MRE11: variants seen among roughly 807,000 people sequenced by gnomAD.
MRE11 encodes the protein double-strand break repair protein MRE11.
A neutral mutation model predicts 91.7 loss-of-function variants in MRE11; 62 were observed. The observed-to-expected ratio is 0.68, with a 90% CI of 0.55 to 0.84. MRE11 has a LOEUF of 0.84. Ranked by LOEUF, MRE11 falls within the 40% of genes least tolerant of loss-of-function variation. MRE11 has a pLI of 0.00. For synonymous variants in MRE11, 273 were observed against 271.4 expected, an observed-to-expected ratio of 1.01 and a Z score of -0.06; for missense variants, 796 against 852.9, an observed-to-expected ratio of 0.93 and a Z score of 0.83.
chr11:94,454,275 T>TGG (rs149242772), intron 14 of MRE11, among the ~76,000 whole-genome samples: 3,460 of 152,108 alleles, frequency 0.023, 135 homozygotes, highest in African/African-American at 0.08. Context: ...GGTTTTGCCA[T>TGG]GTTGCCCAGG....
At chr11:94,447,184 G>A (rs770222594) in intron 15 of MRE11, 35 bp downstream of exon 15, 3 of 1,588,018 alleles carry the variant, frequency 1.9e-6, no homozygotes, top group East Asian at 2.2e-5. Flanking sequence ...CAACTGCCAA[G>A]TGTGAATGTG....
chr11:94,460,185 C>G (rs527488255), intron 12 of MRE11, among the ~76,000 whole-genome samples: 1 of 152,306 alleles, frequency 6.6e-6, no homozygotes, highest in East Asian at 1.9e-4. Flanking sequence ...CCCTTAGAGC[C>G]TCCAAAAAGG....
rs554798856 is a variant in MRE11, at chr11:94,445,375, T to A, written c.1867+435A>T. On this transcript the variant is annotated intron_variant, in intron 16 of 19. Transcript: ENST00000323929. Reference sequence around the variant, plus strand: ...GCTAGGGTAGAGTCCAATGGCATGATCTTGGCTCACTGCAACCTCCAGTTC... The same window carrying A: ...GCTAGGGTAGAGTCCAATGGCATGAACTTGGCTCACTGCAACCTCCAGTTC... Among the ~76,000 whole-genome samples, 4 of 152,354 alleles carry A rather than the reference T, an allele frequency of 2.6e-5. No individual in the cohort carries two copies. In the South Asian group the frequency reaches 8.3e-4, roughly 32 times the overall value.
chr11:94,431,606 A>G (rs538015112), intron 18 of MRE11, among the ~76,000 whole-genome samples: 1 of 152,358 alleles, frequency 6.6e-6, no homozygotes, highest in Admixed American at 6.5e-5. Flanking sequence ...GTTTGGGGTC[A>G]GAATGCCTGG....
At chr11:94,459,368 A>G in intron 13 of MRE11, 40 bp downstream of exon 13, 1 of 1,605,888 alleles carries the variant, frequency 6.2e-7, no homozygotes, top group Admixed American at 1.7e-5. Context: ...TTAAAGACAG[A>G]CTATTTAAAT....
chr11:94,431,066 A>T (rs544432078), intron 18 of MRE11, among the ~76,000 whole-genome samples: 1 of 152,342 alleles, frequency 6.6e-6, no homozygotes, highest in South Asian at 2.1e-4. Context: ...CTTCAATAAA[A>T]GTAGTGTTTA....
the MRE11 span, among the ~76,000 whole-genome samples, chr11:94,507,176 A>T: frequency 6.6e-6 from 1 of 152,112 alleles, no homozygotes; most frequent in African/African-American, 2.4e-5. Context: ...ACTATAATCT[A>T]ACTTTTATTT....
rs1014666 is a variant in MRE11, at chr11:94,445,959, T to C, written c.1784-66A>G. Reference sequence around the variant, plus strand: ...AGCTAAGGTTTATTTCATACAACACTAAAAAATGAAAGCTAAATAAACTTA... The same window carrying C: ...AGCTAAGGTTTATTTCATACAACACCAAAAAATGAAAGCTAAATAAACTTA... On this transcript the variant is annotated intron_variant, in intron 15 of 19. Transcript: ENST00000323929. 513,628 of 1,106,224 alleles carry C rather than the reference T, an allele frequency of 0.46. 123,224 individuals carry two copies. The highest frequency in any genetic ancestry group is 0.61 in the South Asian group (48,906 of 79,594). 68.5% of individuals were successfully genotyped at this position (1,106,224 alleles called of 1,614,324 possible). A position where few individuals can be genotyped will look rare whatever the true frequency, so the allele number is the denominator to read the frequency against.
upstream of MRE11, among the ~76,000 whole-genome samples, chr11:94,496,197 A>G (rs1264718236): frequency 6.6e-6 from 1 of 152,092 alleles, no homozygotes; most frequent in African/African-American, 2.4e-5. Flanking sequence ...TCGAAATAGT[A>G]TTTTTAGGAA....
At position 94,417,426 on chromosome 11, in the gene MRE11, T is replaced by A. The variant is rs13447760; in HGVS notation, c.*2699A>T. ...GGCTGAACCAAATGAAATACCTAAG[T>A]AAAGCAAATTACATGATTAGAAGGC... On this transcript the variant is annotated 3_prime_UTR_variant, in exon 20 of 20. Coordinates refer to ENST00000323929, the MANE Select transcript of MRE11 (RefSeq NM_005591.4). 1,344 of 232,688 alleles carry A rather than the reference T, an allele frequency of 5.8e-3. 19 individuals carry two copies. Among genetic ancestry groups the A allele is most frequent in the African/African-American group, 0.028 (1,256 of 45,440 alleles). The allele number at this position is 232,688 out of a possible 1,614,324, so 14.4% of individuals were successfully genotyped here.
At position 94,478,882 on chromosome 11, in the gene MRE11, C is replaced by A; in HGVS notation, c.403-6G>T. 6.2e-7 allele frequency: 1 copy of A among 1,612,800 alleles called. No individual in the cohort carries two copies. The highest frequency in any genetic ancestry group is 8.5e-7 in the Non-Finnish European group (1 of 1,179,426). On this transcript the variant is annotated splice_polypyrimidine_tract_variant and splice_region_variant and intron_variant, in intron 5 of 19. Coordinates refer to ENST00000323929, the MANE Select transcript of MRE11 (RefSeq NM_005591.4). ...AAGGCACAAAGTGCATCTGCCTATG[C>A]AAAATAATTTCAAAGAATGTTAGTG...
At chr11:94,429,384 T>A (rs529950191) in intron 19 of MRE11, among the ~76,000 whole-genome samples, 2 of 152,194 alleles carry the variant, frequency 1.3e-5, no homozygotes, top group Non-Finnish European at 2.9e-5. Context: ...CATACACTCA[T>A]GTTTACTGCA....
intron 18 of MRE11, among the ~76,000 whole-genome samples, chr11:94,431,459 T>C (rs186447005): frequency 2.2e-4 from 33 of 152,382 alleles, no homozygotes; most frequent in African/African-American, 7.7e-4. Flanking sequence ...AGCTGATTTC[T>C]GATGTGTTTC....
upstream of MRE11, chr11:94,498,594 C>A: frequency 7.2e-7 from 1 of 1,383,024 alleles, no homozygotes. Flanking sequence ...AGATGTATTC[C>A]CATAATCAAA....
At chr11:94,467,672 T>C in intron 10 of MRE11, 141 bp downstream of exon 10, 3 of 690,540 alleles carry the variant, frequency 4.3e-6, no homozygotes, top group Middle Eastern at 4.1e-4. Context: ...AATCCTTATA[T>C]CTTTGTTTTT....
chr11:94,447,222 T>C lies in MRE11; in HGVS notation c.1780A>G (p.Arg594Gly), dbSNP rs576878377. 5.2e-4 allele frequency: 842 copies of C among 1,612,442 alleles called. 12 individuals carry two copies. The South Asian group carries it at 8.6e-3, about 16-fold the overall frequency. Residue 594 changes from arginine to glycine, a missense_variant, in exon 15 of 20, where the codon AGA becomes GGA. Arg to Gly is a moderately radical substitution (Grantham distance 125). Coordinates refer to ENST00000323929, the MANE Select transcript of MRE11 (RefSeq NM_005591.4). ...SASRGGSQRG[R>G]ADTGLETSTR... The stretch of plus-strand genomic sequence containing the variant: ...CAGGACTGAACTCAGTGCTCACCTC[T>C]TCCTCTTTGAGACCCTCCTCTCGAT...
In MRE11 at chr11:94,483,039, T is replaced by C. The variant is rs556653508; in HGVS notation, c.314+2885A>G. Among the ~76,000 whole-genome samples, 3 of 152,328 alleles carry C rather than the reference T, an allele frequency of 2.0e-5. No individual in the cohort carries two copies. The East Asian group carries it at 5.8e-4, about 29-fold the overall frequency. On this transcript the variant is annotated intron_variant, in intron 4 of 19. Transcript: ENST00000323929. ...TTTGAAAAACAAGGACAAAGTATTATACAAATCTTTTAAAACTCAATTATA... is the reference window on the plus strand; with the variant it reads ...TTTGAAAAACAAGGACAAAGTATTACACAAATCTTTTAAAACTCAATTATA...
At chr11:94,438,154 C>A (rs932564838) in intron 16 of MRE11, among the ~76,000 whole-genome samples, 6 of 151,772 alleles carry the variant, frequency 4.0e-5, no homozygotes, top group African/African-American at 1.4e-4. Flanking sequence ...CAAAACAAAA[C>A]AAAACCTACA....
chr11:94,503,034 C>A, the MRE11 span, among the ~76,000 whole-genome samples: 1 of 152,092 alleles, frequency 6.6e-6, no homozygotes, highest in African/African-American at 2.4e-5. Flanking sequence ...GTGCAAATTT[C>A]TTGTTATTGT....
Sources: gnomAD v4.1 joint callset for allele counts (sites outside exome capture counted in the v4.1 genomes callset) on GRCh38, gnomAD v4.1.1 for gene constraint, MANE v1.5 for transcripts, NCBI Gene and HGNC (gene_info 2026-07-23, HGNC 2026-07-21) for gene names.